VPS13B: variants seen among roughly 807,000 people sequenced by gnomAD.
The protein encoded by VPS13B is vacuolar protein sorting 13 homolog B, also known as intermembrane lipid transfer protein VPS13B.
VPS13B carries 285 observed loss-of-function variants against 426.4 expected under a neutral mutation model. That is an observed-to-expected ratio of 0.67 (90% CI 0.61 to 0.74). The LOEUF (loss-of-function observed/expected upper bound fraction) is 0.74, where lower values mean the gene tolerates loss of function less well. Among genes scored for constraint, VPS13B ranks in the 30% least tolerant of loss-of-function variants. The pLI is 0.00. For missense variants in VPS13B, 4,537 were observed against 4,782.6 expected (o/e 0.95, Z 1.51); for synonymous variants, 1,676 against 1,676.4 (o/e 1.00, Z 0.01).
chr8:99,235,330 A>C (rs982725620), intron 17 of VPS13B, among the ~76,000 whole-genome samples: 2 of 152,216 alleles, frequency 1.3e-5, no homozygotes, highest in Non-Finnish European at 2.9e-5. Flanking sequence ...ATTTATATTG[A>C]AAATTTATTT....
chr8:99,337,602 A>C (rs952520726), intron 19 of VPS13B, among the ~76,000 whole-genome samples: 30 of 151,390 alleles, frequency 2.0e-4, no homozygotes, highest in African/African-American at 7.2e-4. Context: ...GAATTGTAAG[A>C]GTTCCTTATA....
At chr8:99,148,048 A>T (rs370679475) in intron 14 of VPS13B, 38 bp downstream of exon 14, 1 of 1,554,962 alleles carries the variant, frequency 6.4e-7, no homozygotes, top group Admixed American at 1.7e-5. Context: ...TTTCCCTCAT[A>T]TATGGATTTT....
rs61754503 is a variant in VPS13B, at chr8:99,809,383, C to T, written c.7950C>T (p.His2650=). 1.2e-5 allele frequency: 19 copies of T among 1,613,854 alleles called. No individual in the cohort carries two copies. In the African/African-American group the frequency reaches 2.4e-4, roughly 20 times the overall value. ...ATTGTTTTTTTCTCCAGCTGTTACA[C>T]ATCTGTATTGAAGGTTGGGGCAACT... is the stretch of plus-strand genomic sequence containing the variant. ...WRSHKSPQLL[H]ICIEGWGNWR... is the part of the protein sequence containing the mutation. The change falls in exon 44 of 62, where the codon CAC becomes CAT. Residue 2650 remains histidine, a synonymous_variant. Coordinates refer to ENST00000357162, the MANE Select transcript of VPS13B (RefSeq NM_152564.5).
At chr8:99,267,008 G>C (rs538906517) in intron 17 of VPS13B, among the ~76,000 whole-genome samples, 19 of 152,276 alleles carry the variant, frequency 1.2e-4, no homozygotes, top group Admixed American at 1.2e-3. Flanking sequence ...TTGGAACTGG[G>C]TAACAGACAG....
chr8:99,825,235 C>T (rs556763209), intron 51 of VPS13B, among the ~76,000 whole-genome samples: 102 of 152,184 alleles, frequency 6.7e-4, no homozygotes, highest in Non-Finnish European at 1.1e-3. Context: ...TCTCCAGCAT[C>T]TGTTGTTTCC....
rs539130963 is a variant in VPS13B at position 99,774,369 on chromosome 8, A to G, written c.7248-2406A>G. On this transcript the variant is annotated intron_variant, in intron 40 of 61. Coordinates refer to ENST00000357162, the MANE Select transcript of VPS13B (RefSeq NM_152564.5). ...GATTCAGGAGCTACTGTATATACCT[A>G]AAAATATGTCTAACCATTGCTTTGT... 2.4e-4 allele frequency among the ~76,000 whole-genome samples: 37 copies of G among 152,282 alleles called. No individual in the cohort carries two copies. In the South Asian group the frequency reaches 7.7e-3, roughly 32 times the overall value.
chr8:99,608,075 C>T (rs1827678172), intron 33 of VPS13B, among the ~76,000 whole-genome samples: 1 of 151,532 alleles, frequency 6.6e-6, no homozygotes, highest in Admixed American at 6.6e-5. Context: ...TTTTAATAAC[C>T]TTAAAGATAA....
chr8:99,555,786 G>C (rs904166753), intron 30 of VPS13B, among the ~76,000 whole-genome samples: 1 of 152,014 alleles, frequency 6.6e-6, no homozygotes, highest in African/African-American at 2.4e-5. Flanking sequence ...GGACCCAATA[G>C]GATCAACGTT....
At chr8:99,789,191 C>T (rs1812423655) in intron 43 of VPS13B, among the ~76,000 whole-genome samples, 1 of 152,084 alleles carries the variant, frequency 6.6e-6, no homozygotes, top group South Asian at 2.1e-4. Flanking sequence ...TTAGTAATTC[C>T]AGCCAGTTGT....
intron 19 of VPS13B, among the ~76,000 whole-genome samples, chr8:99,284,720 T>TTGTGTGTGTG (rs756599409): frequency 0.045 from 2,424 of 53,682 alleles, 71 homozygotes; most frequent in African/African-American, 0.15. Flanking sequence ...CTGGCTAAAT[T>TTGTGTGTGTG]TGTGTGTGTG....
intron 33 of VPS13B, among the ~76,000 whole-genome samples, chr8:99,627,903 C>T (rs1031119874): frequency 2.0e-5 from 3 of 152,172 alleles, no homozygotes; most frequent in Non-Finnish European, 4.4e-5. Flanking sequence ...ACAGATTGTG[C>T]ATCCCCTCTC....
At chr8:99,586,495 C>T (rs1352047994) in intron 33 of VPS13B, among the ~76,000 whole-genome samples, 3 of 152,098 alleles carry the variant, frequency 2.0e-5, no homozygotes, top group African/African-American at 4.8e-5. Flanking sequence ...CTAGTCTAGT[C>T]CTTCTTAATG....
chr8:99,187,830 T>A (rs1813304566), intron 16 of VPS13B, among the ~76,000 whole-genome samples: 2 of 152,006 alleles, frequency 1.3e-5, no homozygotes, highest in African/African-American at 2.4e-5. Flanking sequence ...TAGCCGGGCA[T>A]GCTGGTATGC....
At chr8:99,279,295 A>G (rs764997836) in intron 19 of VPS13B, among the ~76,000 whole-genome samples, 28 of 152,230 alleles carry the variant, frequency 1.8e-4, no homozygotes, top group Middle Eastern at 6.8e-3. Context: ...ATTTTTTATT[A>G]TTATTATTTT....
chr8:99,251,491 C>T (rs1817509123), intron 17 of VPS13B, among the ~76,000 whole-genome samples: 1 of 152,152 alleles, frequency 6.6e-6, no homozygotes, highest in Non-Finnish European at 1.5e-5. Flanking sequence ...TTAAACCAGT[C>T]ATCCAGTTCT....
rs1220948389 is a variant in VPS13B at position 99,683,464 on chromosome 8, C to T, written c.6047-16061C>T. 3.9e-5 allele frequency among the ~76,000 whole-genome samples: 6 copies of T among 152,058 alleles called. No individual in the cohort carries two copies. The South Asian group carries it at 6.2e-4, about 16-fold the overall frequency. ...ATATATTTACTATGTTGTCTGCCTTCGAATTCATGAATATGGTATGTGTAT... is the reference window on the plus strand; with the variant it reads ...ATATATTTACTATGTTGTCTGCCTTTGAATTCATGAATATGGTATGTGTAT... On this transcript the variant is annotated intron_variant, in intron 35 of 61. Transcript: ENST00000357162.
intron 16 of VPS13B, among the ~76,000 whole-genome samples, chr8:99,177,819 T>A (rs1812717249): frequency 1.3e-5 from 2 of 152,256 alleles, no homozygotes; most frequent in South Asian, 2.1e-4. Context: ...TATTTCTACA[T>A]GACCTATATC....
intron 21 of VPS13B, among the ~76,000 whole-genome samples, chr8:99,411,858 C>A (rs913868101): frequency 1.3e-5 from 2 of 151,974 alleles, no homozygotes; most frequent in African/African-American, 4.8e-5. Context: ...TGTCAAAGAT[C>A]AGATGGTTGT....
At chr8:99,610,739 A>C (rs1213901425) in intron 33 of VPS13B, among the ~76,000 whole-genome samples, 1 of 152,192 alleles carries the variant, frequency 6.6e-6, no homozygotes, top group Non-Finnish European at 1.5e-5. Context: ...AGTATAATAA[A>C]AAAAAGTTTC....
Sources: gnomAD v4.1 joint callset for allele counts (sites outside exome capture counted in the v4.1 genomes callset) on GRCh38, gnomAD v4.1.1 for gene constraint, MANE v1.5 for transcripts, NCBI Gene and HGNC (gene_info 2026-07-23, HGNC 2026-07-21) for gene names.